Variants in HS3ST4 observed in about 807,000 individuals in gnomAD.
HS3ST4 encodes the protein heparan sulfate-glucosamine 3-sulfotransferase 4, also known as heparan sulfate glucosamine 3-O-sulfotransferase 4.
A neutral mutation model predicts 29.2 loss-of-function variants in HS3ST4; 17 were observed. That is an observed-to-expected ratio of 0.58 (90% CI 0.40 to 0.87). HS3ST4 has a LOEUF of 0.87. Among genes scored for constraint, HS3ST4 ranks in the 40% least tolerant of loss-of-function variants. The pLI, the probability that HS3ST4 is intolerant of heterozygous loss-of-function variation, is 0.00. For synonymous variants in HS3ST4, 314 were observed against 285.7 expected, an observed-to-expected ratio of 1.10 and a Z score of -1.00; for missense variants, 627 against 634.5, an observed-to-expected ratio of 0.99 and a Z score of 0.13.
chr16:26,045,010 T>A (rs1464681654), intron 1 of HS3ST4, among the ~76,000 whole-genome samples: 1 of 152,166 alleles, frequency 6.6e-6, no homozygotes, highest in African/African-American at 2.4e-5. Flanking sequence ...TGTGCAACCA[T>A]GATCCTGCAA....
At chr16:25,894,498 CT>C (rs371776075) in intron 1 of HS3ST4, among the ~76,000 whole-genome samples, 5,866 of 140,420 alleles carry the variant, frequency 0.042, 144 homozygotes, top group South Asian at 0.076. Context: ...CTTTTTCTTT[CT>C]TTTTTTTTTT....
chr16:25,889,917 C>G (rs990086672), intron 1 of HS3ST4, among the ~76,000 whole-genome samples: 1 of 152,110 alleles, frequency 6.6e-6, no homozygotes, highest in Non-Finnish European at 1.5e-5. Flanking sequence ...CTCTCTCTCT[C>G]TCTCTCTTGC....
chr16:25,974,466 C>G (rs1169614949), intron 1 of HS3ST4, among the ~76,000 whole-genome samples: 1 of 152,084 alleles, frequency 6.6e-6, no homozygotes, highest in African/African-American at 2.4e-5. Context: ...GATGCAAATT[C>G]CCCCAAAGAG....
At chr16:26,096,753 A>G (rs1397911609) in intron 1 of HS3ST4, among the ~76,000 whole-genome samples, 1 of 152,232 alleles carries the variant, frequency 6.6e-6, no homozygotes, top group Admixed American at 6.5e-5. Context: ...CAGGGCAATC[A>G]GGCAAGAGAA....
rs186885854 is a variant in HS3ST4, at chr16:25,786,804, A to T, written c.734+93653A>T. On this transcript the variant is annotated intron_variant, in intron 1 of 1. Coordinates refer to ENST00000331351, the MANE Select transcript of HS3ST4 (RefSeq NM_006040.3). ...ATCAAATGCTTGATTATACTATTTA[A>T]AAAAAAACCCTATAATTTCAGAGTA... Among the ~76,000 whole-genome samples the T allele has an allele frequency of 2.9e-3, 449 of 152,302 alleles. 3 individuals are homozygous for T. The highest frequency in any genetic ancestry group is 0.018 in the Admixed American group (270 of 15,296).
At chr16:25,773,107 C>A (rs921447463) in intron 1 of HS3ST4, among the ~76,000 whole-genome samples, 1 of 152,220 alleles carries the variant, frequency 6.6e-6, no homozygotes, top group Non-Finnish European at 1.5e-5. Flanking sequence ...TCCTCAAGGA[C>A]TTGTGTGTGG....
chr16:25,951,202 A>G (rs563415107), intron 1 of HS3ST4, among the ~76,000 whole-genome samples: 2 of 152,298 alleles, frequency 1.3e-5, no homozygotes, highest in African/African-American at 4.8e-5. Context: ...GCATTCCTAC[A>G]TGAGGCCCCA....
At chr16:26,008,244 G>A (rs909850646) in intron 1 of HS3ST4, among the ~76,000 whole-genome samples, 2 of 152,206 alleles carry the variant, frequency 1.3e-5, no homozygotes, top group African/African-American at 2.4e-5. Flanking sequence ...CGACAAAGGA[G>A]ATCTGGCTAG....
intron 1 of HS3ST4, among the ~76,000 whole-genome samples, chr16:25,859,856 A>G (rs543154207): frequency 6.6e-6 from 1 of 152,326 alleles, no homozygotes; most frequent in Admixed American, 6.5e-5. Context: ...CCTGACTCCC[A>G]GGCCATGGAC....
chr16:25,945,647 C>A (rs926790093), intron 1 of HS3ST4, among the ~76,000 whole-genome samples: 1 of 152,168 alleles, frequency 6.6e-6, no homozygotes, highest in Non-Finnish European at 1.5e-5. Context: ...CTTGATTTTT[C>A]TGTTCTGCAA....
chr16:25,860,519 G>T (rs146997070), intron 1 of HS3ST4, among the ~76,000 whole-genome samples: 11 of 152,110 alleles, frequency 7.2e-5, no homozygotes, highest in African/African-American at 2.4e-4. Context: ...TACATCCAGA[G>T]AATGGACTAT....
intron 1 of HS3ST4, among the ~76,000 whole-genome samples, chr16:25,817,065 A>T (rs1401703914): frequency 2.0e-5 from 3 of 152,222 alleles, no homozygotes; most frequent in Non-Finnish European, 4.4e-5. Flanking sequence ...TTCAAACCAT[A>T]GCAAGCTGCA....
chr16:25,927,594 A>G (rs551704517), intron 1 of HS3ST4, among the ~76,000 whole-genome samples: 3 of 152,176 alleles, frequency 2.0e-5, no homozygotes, highest in Non-Finnish European at 4.4e-5. Context: ...AGTGGACCCA[A>G]CATAAGACAA....
chr16:25,975,709 A>T (rs1968937472), intron 1 of HS3ST4, among the ~76,000 whole-genome samples: 1 of 152,156 alleles, frequency 6.6e-6, no homozygotes, highest in African/African-American at 2.4e-5. Flanking sequence ...TCTCATGGGA[A>T]GAGAAATCCT....
At chr16:25,707,307 G>A (rs1966382180) in intron 1 of HS3ST4, among the ~76,000 whole-genome samples, 1 of 152,058 alleles carries the variant, frequency 6.6e-6, no homozygotes, top group Non-Finnish European at 1.5e-5. Flanking sequence ...TTGAGAGAGA[G>A]ACCATAATCA....
At chr16:25,794,353 TG>T (rs1225610216) in intron 1 of HS3ST4, among the ~76,000 whole-genome samples, 1 of 152,124 alleles carries the variant, frequency 6.6e-6, no homozygotes, top group East Asian at 1.9e-4. Context: ...TGTTTGTATA[TG>T]GGATATGGGA....
intron 1 of HS3ST4, chr16:26,062,889 G>T: frequency 8.2e-6 from 2 of 243,522 alleles, no homozygotes; most frequent in South Asian, 6.1e-5. Flanking sequence ...ACCAAAGTTG[G>T]AGAAGAACTT....
chr16:25,931,954 G>T (rs1257664223), intron 1 of HS3ST4, among the ~76,000 whole-genome samples: 2 of 152,116 alleles, frequency 1.3e-5, no homozygotes, highest in Admixed American at 1.3e-4. Context: ...AAGGGACATG[G>T]TTCCTAAAGG....
intron 1 of HS3ST4, among the ~76,000 whole-genome samples, chr16:26,096,557 A>G (rs1342117213): frequency 1.3e-5 from 2 of 152,218 alleles, no homozygotes; most frequent in Non-Finnish European, 2.9e-5. Context: ...CCTTTATGCT[A>G]AAAACTCTCA....
Sources: gnomAD v4.1 joint callset for allele counts (sites outside exome capture counted in the v4.1 genomes callset) on GRCh38, gnomAD v4.1.1 for gene constraint, MANE v1.5 for transcripts, NCBI Gene and HGNC (gene_info 2026-07-23, HGNC 2026-07-21) for gene names.